SPAG16: variants seen among roughly 807,000 people sequenced by gnomAD.
SPAG16 encodes the protein sperm-associated antigen 16 protein.
SPAG16 carries 86 observed loss-of-function variants against 80.4 expected under a neutral mutation model. The observed-to-expected ratio is 1.07, with a 90% CI of 0.90 to 1.28. The LOEUF (loss-of-function observed/expected upper bound fraction) is 1.28. Ranked by LOEUF, SPAG16 falls within the 50% of genes most tolerant of loss-of-function variation. The pLI is 0.00. For missense variants in SPAG16, 870 were observed against 765.3 expected, an observed-to-expected ratio of 1.14 and a Z score of -1.61; for synonymous variants, 294 against 265.9, an observed-to-expected ratio of 1.11 and a Z score of -1.03.
intron 10 of SPAG16, among the ~76,000 whole-genome samples, chr2:213,834,731 A>G (rs2073982815): frequency 6.6e-6 from 1 of 152,182 alleles, no homozygotes; most frequent in Non-Finnish European, 1.5e-5. Context: ...GGCCCTCTCA[A>G]TATCATGTAC....
chr2:213,351,726 T>C (rs1460950828), intron 7 of SPAG16, among the ~76,000 whole-genome samples: 1 of 152,222 alleles, frequency 6.6e-6, no homozygotes, highest in African/African-American at 2.4e-5. Flanking sequence ...CAAGACATGC[T>C]TTAATCAAGT....
intron 12 of SPAG16, among the ~76,000 whole-genome samples, chr2:213,980,587 T>G (rs1054142686): frequency 2.1e-5 from 3 of 140,282 alleles, no homozygotes; most frequent in Non-Finnish European, 4.5e-5. Flanking sequence ...TATGTATATA[T>G]AGAATATATG....
intron 3 of SPAG16, among the ~76,000 whole-genome samples, chr2:213,307,305 C>G (rs1466989776): frequency 1.3e-5 from 2 of 148,628 alleles, no homozygotes; most frequent in Non-Finnish European, 3.0e-5. Context: ...GCTGCACCCA[C>G]TAACTCGTCA....
intron 9 of SPAG16, among the ~76,000 whole-genome samples, chr2:213,390,402 C>T (rs575429320): frequency 1.3e-5 from 2 of 152,240 alleles, no homozygotes; most frequent in Admixed American, 1.3e-4. Flanking sequence ...ACTTATGATG[C>T]ATTTTTATTA....
intron 13 of SPAG16, among the ~76,000 whole-genome samples, chr2:214,045,809 G>T (rs950456565): frequency 1.3e-5 from 2 of 151,930 alleles, no homozygotes; most frequent in Non-Finnish European, 2.9e-5. Flanking sequence ...AATTAGAAAA[G>T]CAAGAGCAAA....
intron 15 of SPAG16, among the ~76,000 whole-genome samples, chr2:214,375,531 A>G (rs1224770691): frequency 6.6e-6 from 1 of 152,156 alleles, no homozygotes; most frequent in African/African-American, 2.4e-5. Context: ...ATGCCCACCT[A>G]CAACACACAA....
intron 9 of SPAG16, among the ~76,000 whole-genome samples, chr2:213,422,768 A>G (rs545908961): frequency 2.6e-5 from 4 of 152,332 alleles, no homozygotes; most frequent in Non-Finnish European, 5.9e-5. Context: ...CATGGAATTA[A>G]TGGTTCCTCT....
chr2:213,763,911 G>A (rs1334323595), intron 10 of SPAG16, among the ~76,000 whole-genome samples: 1 of 152,184 alleles, frequency 6.6e-6, no homozygotes, highest in African/African-American at 2.4e-5. Context: ...TTTAATATGA[G>A]AAGGACTAAT....
chr2:213,332,171 G>C (rs1390721503), intron 5 of SPAG16, among the ~76,000 whole-genome samples: 1 of 151,994 alleles, frequency 6.6e-6, no homozygotes, highest in Non-Finnish European at 1.5e-5. Flanking sequence ...AAAAGGAAAA[G>C]ACCCAAATAA....
Position 213,593,792 on chromosome 2 carries a change from T to G in SPAG16, c.1070+103702T>G, listed in dbSNP as rs1293117924. Among the ~76,000 whole-genome samples, 31 of 115,256 alleles carry G rather than the reference T, an allele frequency of 2.7e-4. 2 individuals carry two copies. The highest frequency in any genetic ancestry group is 4.3e-3 in the Middle Eastern group (1 of 232). 75.6% of individuals were successfully genotyped at this position (115,256 alleles called of 152,430 possible). On this transcript the variant is annotated intron_variant, in intron 10 of 15. Transcript: ENST00000331683. ...TTTTTTTTTTTTTTTTTTTTTTTTT[T>G]GGGACGGAGTCTGGCTCTGTCGCCC...
At chr2:214,331,008 G>A (rs1696877076) in intron 15 of SPAG16, among the ~76,000 whole-genome samples, 1 of 152,188 alleles carries the variant, frequency 6.6e-6, no homozygotes, top group Non-Finnish European at 1.5e-5. Context: ...CCATGTAGCA[G>A]TTGTTCCTGA....
intron 15 of SPAG16, among the ~76,000 whole-genome samples, chr2:214,391,798 C>G (rs2126128442): frequency 6.6e-6 from 1 of 152,282 alleles, no homozygotes; most frequent in African/African-American, 2.4e-5. Context: ...TTGGATCTGA[C>G]ACATTGTATA....
chr2:213,567,231 G>GT (rs369737697), intron 10 of SPAG16, among the ~76,000 whole-genome samples: 4,784 of 104,526 alleles, frequency 0.046, 106 homozygotes, highest in Middle Eastern at 0.12. Flanking sequence ...GTTTGACATT[G>GT]TTTTTTTTTT....
chr2:213,321,044 T>C (rs920701322), intron 5 of SPAG16, among the ~76,000 whole-genome samples: 1 of 152,038 alleles, frequency 6.6e-6, no homozygotes, highest in African/African-American at 2.4e-5. Flanking sequence ...ATGTTTGTAT[T>C]TTTAGGATTA....
chr2:213,649,153 A>G (rs1003315123), intron 10 of SPAG16, among the ~76,000 whole-genome samples: 22 of 152,230 alleles, frequency 1.4e-4, no homozygotes, highest in African/African-American at 5.1e-4. Context: ...GAAAACTAAG[A>G]GATAAGTTAA....
At chr2:213,819,960 G>A (rs1225887568) in intron 10 of SPAG16, among the ~76,000 whole-genome samples, 1 of 108,138 alleles carries the variant, frequency 9.2e-6, no homozygotes, top group East Asian at 2.7e-4. Flanking sequence ...TTTTTTTTTA[G>A]TAGAGACGGG....
intron 10 of SPAG16, among the ~76,000 whole-genome samples, chr2:213,535,708 A>T (rs895946323): frequency 2.6e-5 from 4 of 152,156 alleles, no homozygotes; most frequent in Non-Finnish European, 5.9e-5. Context: ...GTATGTGTAA[A>T]TGAGTATACG....
intron 14 of SPAG16, among the ~76,000 whole-genome samples, chr2:214,112,033 A>T (rs1441587248): frequency 6.6e-6 from 1 of 152,052 alleles, no homozygotes; most frequent in African/African-American, 2.4e-5. Context: ...GGCTGAGGCG[A>T]TGGGGTTTTC....
chr2:213,675,391 T>G (rs890042703), intron 10 of SPAG16, among the ~76,000 whole-genome samples: 8 of 152,316 alleles, frequency 5.3e-5, no homozygotes, highest in East Asian at 3.9e-4. Context: ...TTAGTTTAAT[T>G]AGATACCATT....
Sources: allele counts gnomAD v4.1 joint callset (sites outside exome capture counted in the v4.1 genomes callset), GRCh38; gene constraint gnomAD v4.1.1; transcripts MANE v1.5; gene names NCBI Gene and HGNC (gene_info 2026-07-23, HGNC 2026-07-21).